Variants in ARHGAP21 observed in about 807,000 individuals in gnomAD.
ARHGAP21 encodes Rho GTPase activating protein 21.
A neutral mutation model predicts 164.6 loss-of-function variants in ARHGAP21; 38 were observed. The observed-to-expected ratio is 0.23, with a 90% CI of 0.18 to 0.30. The LOEUF is 0.30. Ranked by LOEUF, ARHGAP21 falls within the 10% of genes least tolerant of loss-of-function variation. ARHGAP21 has a pLI of 1.00. For missense variants in ARHGAP21, 1,822 were observed against 2,370.7 expected, an observed-to-expected ratio of 0.77 and a Z score of 4.81; for synonymous variants, 766 against 857.9, an observed-to-expected ratio of 0.89 and a Z score of 1.87.
intron 2 of ARHGAP21, among the ~76,000 whole-genome samples, chr10:24,698,155 A>G (rs1843346277): frequency 6.6e-6 from 1 of 152,160 alleles, no homozygotes; most frequent in Non-Finnish European, 1.5e-5. Flanking sequence ...GACCCTACAC[A>G]AGAAACTTTC....
At chr10:24,656,095 C>A (rs1489473093) in intron 4 of ARHGAP21, among the ~76,000 whole-genome samples, 1 of 147,648 alleles carries the variant, frequency 6.8e-6, no homozygotes, top group Non-Finnish European at 1.5e-5. Flanking sequence ...CCTCTCCGCC[C>A]GGCAGCCACC....
At chr10:24,605,432 C>T (rs993168951) in intron 11 of ARHGAP21, among the ~76,000 whole-genome samples, 1 of 152,072 alleles carries the variant, frequency 6.6e-6, no homozygotes, top group Admixed American at 6.6e-5. Flanking sequence ...TCTGAAATAA[C>T]GGCAGTTTTT....
chr10:24,643,771 C>A (rs541789938), intron 4 of ARHGAP21, among the ~76,000 whole-genome samples: 1 of 152,334 alleles, frequency 6.6e-6, no homozygotes, highest in Admixed American at 6.5e-5. Flanking sequence ...CATTGATTTA[C>A]AATTTCCCAG....
At chr10:24,663,970 C>A (rs1247856487) in intron 4 of ARHGAP21, among the ~76,000 whole-genome samples, 1 of 152,194 alleles carries the variant, frequency 6.6e-6, no homozygotes, top group Non-Finnish European at 1.5e-5. Flanking sequence ...TTACCATATA[C>A]CTCCAGGGAG....
At chr10:24,593,481 A>ACGG (rs2076428530) in intron 21 of ARHGAP21, among the ~76,000 whole-genome samples, 1 of 152,156 alleles carries the variant, frequency 6.6e-6, no homozygotes, top group Non-Finnish European at 1.5e-5. Flanking sequence ...TAATATTTAT[A>ACGG]TGTATACACC....
intron 4 of ARHGAP21, among the ~76,000 whole-genome samples, chr10:24,635,646 G>C (rs564123735): frequency 1.3e-5 from 2 of 152,140 alleles, no homozygotes; most frequent in South Asian, 4.1e-4. Flanking sequence ...TCCCGGGTTC[G>C]AGTGATTCTC....
At chr10:24,656,004 G>A (rs1838816226) in intron 4 of ARHGAP21, among the ~76,000 whole-genome samples, 1 of 142,438 alleles carries the variant, frequency 7.0e-6, no homozygotes, top group African/African-American at 2.7e-5. Flanking sequence ...GAAGTGAGGA[G>A]CCCCTCCGCC....
intron 2 of ARHGAP21, among the ~76,000 whole-genome samples, chr10:24,707,610 G>A (rs937935550): frequency 6.6e-6 from 1 of 152,040 alleles, no homozygotes; most frequent in African/African-American, 2.4e-5. Context: ...CTCCAAACTT[G>A]CACGACCTCC....
intron 2 of ARHGAP21, among the ~76,000 whole-genome samples, chr10:24,672,724 C>T (rs1042437909): frequency 1.3e-5 from 2 of 152,032 alleles, no homozygotes; most frequent in Non-Finnish European, 2.9e-5. Flanking sequence ...TGAGTCTACC[C>T]ACTCTGCCAC....
At chr10:24,673,736 C>G (rs576715210) in intron 2 of ARHGAP21, among the ~76,000 whole-genome samples, 1 of 152,172 alleles carries the variant, frequency 6.6e-6, no homozygotes, top group Admixed American at 6.5e-5. Flanking sequence ...GTGGCACACA[C>G]CTATAATCCC....
rs375904473 is a variant in ARHGAP21 at position 24,639,136 on chromosome 10, A to G, written c.269-4033T>C. 6.6e-5 allele frequency among the ~76,000 whole-genome samples: 10 copies of G among 152,324 alleles called. No individual in the cohort carries two copies. In the East Asian group the frequency reaches 9.6e-4, roughly 15 times the overall value. On this transcript the variant is annotated intron_variant, in intron 4 of 25. Coordinates refer to ENST00000396432, the MANE Select transcript of ARHGAP21 (RefSeq NM_020824.4). The stretch of plus-strand genomic sequence containing the variant: ...AGTTAAGACCTTGGGCCCTATAACC[A>G]TATTACATGGTTTAAAATCCCACCT...
At chr10:24,696,040 T>C (rs1301088882) in intron 2 of ARHGAP21, among the ~76,000 whole-genome samples, 5 of 152,132 alleles carry the variant, frequency 3.3e-5, no homozygotes, top group African/African-American at 9.7e-5. Context: ...TACTCAGCAA[T>C]AGATAACTGA....
chr10:24,684,307 C>CA (rs1443237474), intron 2 of ARHGAP21, among the ~76,000 whole-genome samples: 2 of 151,476 alleles, frequency 1.3e-5, no homozygotes, highest in Admixed American at 6.6e-5. Context: ...AAAAACCCAG[C>CA]AAAAAAACAA....
At position 24,722,013 on chromosome 10, in the gene ARHGAP21, G is replaced by A; in HGVS notation, c.-114C>T. 1.7e-6 allele frequency: 2 copies of A among 1,145,478 alleles called. No individual in the cohort carries two copies. Among genetic ancestry groups the A allele is most frequent in the Non-Finnish European group, 2.6e-6 (2 of 774,734 alleles). 71.0% of individuals were successfully genotyped at this position (1,145,478 alleles called of 1,614,324 possible). A position where few individuals can be genotyped will look rare whatever the true frequency, so the allele number is the denominator to read the frequency against. On this transcript the variant is annotated 5_prime_UTR_variant, in exon 2 of 26. Transcript: ENST00000396432. ...ATTCCACAAGCAGGCTCCGAGGAGG[G>A]GCAGGGCTGTTGAAACAGACAACGT...
chr10:24,647,897 ACACGATCTTGGCT>A (rs1837735689), intron 4 of ARHGAP21, among the ~76,000 whole-genome samples: 1 of 152,138 alleles, frequency 6.6e-6, no homozygotes, highest in Non-Finnish European at 1.5e-5. Context: ...GAGTGCAGTG[ACACGATCTTGGCT>A]CACTGCAACC....
At chr10:24,697,074 C>A (rs1294654692) in intron 2 of ARHGAP21, among the ~76,000 whole-genome samples, 1 of 152,138 alleles carries the variant, frequency 6.6e-6, no homozygotes, top group Admixed American at 6.5e-5. Context: ...CATCCAGAGG[C>A]CCGACCCAGA....
intron 9 of ARHGAP21, among the ~76,000 whole-genome samples, chr10:24,613,221 G>C (rs1424105221): frequency 6.6e-6 from 1 of 152,160 alleles, no homozygotes; most frequent in South Asian, 2.1e-4. Flanking sequence ...CCTGGAGAAA[G>C]AATGTTTAAA....
chr10:24,584,435 C>T lies in ARHGAP21; in HGVS notation c.5854G>A (p.Ala1952Thr). ...HKLSETPGSK[A>T]EFHPCL ...GTTTAAAGACAGGGATGAAACTCTG[C>T]TTTACTGCCTGGGGTTTCAGACAGT... The change falls in exon 26 of 26, where the codon GCA becomes ACA. Residue 1952 changes from alanine (A) to threonine (T), a missense_variant. By Grantham distance (58) the Ala-to-Thr change is moderately conservative. Coordinates refer to ENST00000396432, the MANE Select transcript of ARHGAP21 (RefSeq NM_020824.4). 1 of 1,610,708 alleles carries T rather than the reference C, an allele frequency of 6.2e-7. No individual in the cohort carries two copies. Among genetic ancestry groups the T allele is most frequent in the Non-Finnish European group, 8.5e-7 (1 of 1,178,348 alleles).
chr10:24,710,391 T>C (rs1483914250), intron 2 of ARHGAP21, among the ~76,000 whole-genome samples: 1 of 152,170 alleles, frequency 6.6e-6, no homozygotes, highest in African/African-American at 2.4e-5. Context: ...TCAGTTAGCT[T>C]AGACACAATC....
Sources: allele counts gnomAD v4.1 joint callset (sites outside exome capture counted in the v4.1 genomes callset), GRCh38; gene constraint gnomAD v4.1.1; transcripts MANE v1.5; gene names NCBI Gene and HGNC (gene_info 2026-07-23, HGNC 2026-07-21).